CASP9: variants seen among roughly 807,000 people sequenced by gnomAD.
CASP9 encodes the protein caspase 9, also known as caspase-9.
In CASP9, 29 loss-of-function variants were observed where a neutral mutation model predicts 43.5. The observed-to-expected ratio is 0.67, with a 90% CI of 0.50 to 0.91. CASP9 has a LOEUF of 0.91. Among genes scored for constraint, CASP9 ranks in the 40% least tolerant of loss-of-function variants. The probability of loss-of-function intolerance (pLI) is 0.00; values close to 1 mark genes in which losing one functional copy is unlikely to be tolerated. For synonymous variants in CASP9, 206 were observed against 211.9 expected (o/e 0.97, Z 0.24); for missense variants, 575 against 537.4 (o/e 1.07, Z -0.69).
At chr1:15,495,203 C>T in intron 7 of CASP9, 70 bp downstream of exon 7, 2 of 1,433,398 alleles carry the variant, frequency 1.4e-6, no homozygotes, top group Non-Finnish European at 1.9e-6. Flanking sequence ...TTTCTCTCAC[C>T]ACACAGCTGC....
At chr1:15,495,572 AC>A in intron 6 of CASP9, 120 bp from the exon 7 acceptor site, 1 of 932,100 alleles carries the variant, frequency 1.1e-6, no homozygotes, top group Non-Finnish European at 1.5e-6. Flanking sequence ...AAATCTTGGG[AC>A]CCCAAACTCA....
upstream of CASP9, chr1:15,524,571 C>A (rs1230168610): frequency 3.2e-6 from 2 of 617,882 alleles, no homozygotes; most frequent in Non-Finnish European, 4.2e-6. Context: ...CGCCCCGTAT[C>A]CCCGCACTGA....
At chr1:15,518,457 T>C in intron 1 of CASP9, 62 bp from the exon 2 acceptor site, 1 of 1,524,178 alleles carries the variant, frequency 6.6e-7, no homozygotes, top group South Asian at 1.2e-5. Context: ...TCTCACCTTG[T>C]CTCCCCATTT....
chr1:15,504,874 G>C (rs187853188), intron 5 of CASP9, 116 bp from the exon 6 acceptor site: 1 of 991,718 alleles, frequency 1.0e-6, no homozygotes, highest in African/African-American at 1.6e-5. Context: ...GGGGCACGAG[G>C]CTGATTGAGA....
intron 1 of CASP9, among the ~76,000 whole-genome samples, chr1:15,522,415 T>A (rs1710239031): frequency 6.6e-6 from 1 of 152,234 alleles, no homozygotes; most frequent in Non-Finnish European, 1.5e-5. Flanking sequence ...TTTCAGCTTC[T>A]TTTTTAAGAT....
chr1:15,524,469 A>T, upstream of CASP9: 1 of 889,706 alleles, frequency 1.1e-6, no homozygotes, highest in Non-Finnish European at 1.4e-6. Context: ...GCGCCGCCCC[A>T]GAACACGCTC....
intron 7 of CASP9, among the ~76,000 whole-genome samples, chr1:15,494,374 G>T (rs2103324198): frequency 6.6e-6 from 1 of 152,218 alleles, no homozygotes; most frequent in Non-Finnish European, 1.5e-5. Context: ...TGACCAGCCT[G>T]GCCAACATGG....
At position 15,491,839 on chromosome 1, in the gene CASP9, G is replaced by C. The variant is rs569976572; in HGVS notation, c.*1104C>G. The C allele has an allele frequency of 8.1e-5, 13 of 160,338 alleles. No individual in the cohort carries two copies. Among genetic ancestry groups the C allele is most frequent in the African/African-American group, 2.6e-4 (11 of 41,626 alleles). The allele number at this position is 160,338 out of a possible 1,614,324, so 9.9% of individuals were successfully genotyped here. A position where few individuals can be genotyped will look rare whatever the true frequency, so the allele number is the denominator to read the frequency against. ...CCTCAGGGTGGAGCCTTGTGGGGAA[G>C]CCCAGCGTGTCACTATTGCACAGCA... is the stretch of plus-strand genomic sequence containing the variant. On this transcript the variant is annotated 3_prime_UTR_variant, in exon 9 of 9. Coordinates refer to ENST00000333868, the MANE Select transcript of CASP9 (RefSeq NM_001229.5).
chr1:15,523,002 C>T (rs1277904094), intron 1 of CASP9, among the ~76,000 whole-genome samples: 1 of 152,336 alleles, frequency 6.6e-6, no homozygotes, highest in East Asian at 1.9e-4. Flanking sequence ...TGGGCCAGGG[C>T]ACTGGCCAGG....
intron 8 of CASP9, chr1:15,493,654 G>A: frequency 6.9e-7 from 1 of 1,446,708 alleles, no homozygotes; most frequent in Non-Finnish European, 9.0e-7. Context: ...GTGTCAACCT[G>A]GGGACCTTGG....
chr1:15,516,119 T>A (rs1275326811), intron 2 of CASP9, among the ~76,000 whole-genome samples: 1 of 151,360 alleles, frequency 6.6e-6, no homozygotes, highest in South Asian at 2.1e-4. Flanking sequence ...GGATAATTGC[T>A]TGAACCCAGG....
rs1007329678 is a variant in CASP9, at chr1:15,524,185, G to A, written c.16C>T (p.Arg6Trp). The change falls in exon 1 of 9, where the codon CGG (arginine) becomes TGG (tryptophan). Residue 6 changes from arginine to tryptophan, a missense_variant. By Grantham distance (101) the Arg-to-Trp change is moderately radical. Transcript: ENST00000333868. MDEADRRLLRRCRLRL... is the reference protein window; with the variant it reads MDEADWRLLRRCRLRL... The stretch of plus-strand genomic sequence containing the variant: ...AGCCGGCACCGCCGCAGGAGCCGCC[G>A]ATCCGCTTCGTCCATGGCGAGTAGC... 3 of 1,546,402 alleles carry A rather than the reference G, an allele frequency of 1.9e-6. No individual in the cohort carries two copies. The highest frequency in any genetic ancestry group is 1.7e-6 in the Non-Finnish European group (2 of 1,150,738).
At chr1:15,515,995 A>T (rs935060767) in intron 2 of CASP9, among the ~76,000 whole-genome samples, 4 of 152,156 alleles carry the variant, frequency 2.6e-5, no homozygotes, top group Non-Finnish European at 5.9e-5. Flanking sequence ...TGAGGCCAGG[A>T]GTTCAAGATC....
intron 6 of CASP9, among the ~76,000 whole-genome samples, chr1:15,496,434 G>T (rs1367227654): frequency 1.3e-5 from 2 of 152,118 alleles, no homozygotes; most frequent in East Asian, 1.9e-4. Flanking sequence ...GCAAGAAAAA[G>T]AAATAAAAGA....
intron 4 of CASP9, 52 bp from the exon 5 acceptor site, chr1:15,506,131 G>C: frequency 8.3e-7 from 1 of 1,207,786 alleles, no homozygotes; most frequent in Non-Finnish European, 1.2e-6. Context: ...TCTAGATGCA[G>C]ACTGGACCGT....
chr1:15,520,658 G>C (rs1320968967), intron 1 of CASP9, among the ~76,000 whole-genome samples: 1 of 152,198 alleles, frequency 6.6e-6, no homozygotes, highest in Non-Finnish European at 1.5e-5. Flanking sequence ...AGCAGACCGC[G>C]AAGGGGAGTC....
chr1:15,511,507 A>G (rs1418368842), intron 2 of CASP9, among the ~76,000 whole-genome samples: 1 of 151,756 alleles, frequency 6.6e-6, no homozygotes, highest in Admixed American at 6.6e-5. Context: ...AGGTTCAAAC[A>G]ATTCTCCTGC....
At chr1:15,514,271 C>T (rs539629190) in intron 2 of CASP9, among the ~76,000 whole-genome samples, 2 of 152,176 alleles carry the variant, frequency 1.3e-5, no homozygotes, top group Non-Finnish European at 2.9e-5. Flanking sequence ...GGGGAAAAAT[C>T]GTCCCCAGTG....
rs149499282 is a variant in CASP9 at position 15,504,756 on chromosome 1, G to T, written c.723C>A (p.Ala241=). 7.0e-5 allele frequency: 113 copies of T among 1,610,990 alleles called. 1 individual carries two copies. The African/African-American group carries it at 1.4e-3, about 20-fold the overall frequency. Residue 241 remains alanine (A), a splice_region_variant and synonymous_variant, in exon 6 of 9, where the codon GCC becomes GCA. Coordinates refer to ENST00000333868, the MANE Select transcript of CASP9 (RefSeq NM_001229.5). ...CAGCCCCTGGGAACTGCAGGTGGCT[G>T]GCCTAGAAGACCAAGAACCCTGGTT... The part of the protein sequence containing the change: ...VVVILSHGCQ[A]SHLQFPGAVY...
Sources: gnomAD v4.1 joint callset for allele counts (sites outside exome capture counted in the v4.1 genomes callset) on GRCh38, gnomAD v4.1.1 for gene constraint, MANE v1.5 for transcripts, NCBI Gene and HGNC (gene_info 2026-07-23, HGNC 2026-07-21) for gene names.